The following CIITA variants were observed in gnomAD, a reference collection of about 807,000 sequenced individuals.
The protein encoded by CIITA is MHC class II transactivator.
A neutral mutation model predicts 115.1 loss-of-function variants in CIITA; 72 were observed. The ratio of observed to expected loss-of-function variants is 0.63; its 90% CI spans 0.52 to 0.76. The LOEUF is 0.76. Ranked by LOEUF, CIITA falls within the 30% of genes least tolerant of loss-of-function variation. The probability of loss-of-function intolerance (pLI) is 0.00; values close to 1 mark genes in which losing one functional copy is unlikely to be tolerated. For missense variants in CIITA, 1,617 were observed against 1,463.8 expected (o/e 1.10, Z -1.71); for synonymous variants, 763 against 635.6 (o/e 1.20, Z -3.02).
At chr16:10,896,318 G>C (rs932284373) in intron 3 of CIITA, among the ~76,000 whole-genome samples, 2 of 152,226 alleles carry the variant, frequency 1.3e-5, no homozygotes, top group African/African-American at 4.8e-5. Flanking sequence ...GTAATGTACA[G>C]ATCTGAAATT....
chr16:10,914,041 G>A (rs114230535), intron 13 of CIITA, among the ~76,000 whole-genome samples: 79 of 151,378 alleles, frequency 5.2e-4, no homozygotes, highest in African/African-American at 1.9e-3. Flanking sequence ...ATGATTCATT[G>A]TCTCAGACAT....
intron 1 of CIITA, among the ~76,000 whole-genome samples, chr16:10,868,768 C>A (rs1019176377): frequency 1.3e-5 from 2 of 152,210 alleles, no homozygotes; most frequent in Non-Finnish European, 2.9e-5. Flanking sequence ...TTATTTAACT[C>A]TGTTTCCTCC....
At chr16:10,874,741 G>C (rs1006495533), upstream of CIITA, among the ~76,000 whole-genome samples, 6 of 152,172 alleles carry the variant, frequency 3.9e-5, no homozygotes, top group Non-Finnish European at 7.3e-5. Context: ...AGATGTACCA[G>C]GCAGCTGCAG....
rs917417027 is a variant in CIITA at position 10,911,230 on chromosome 16, TTC to T, written c.2888+973_2888+974del. 2.8e-4 allele frequency among the ~76,000 whole-genome samples: 42 copies of T among 151,938 alleles called. 1 individual carries two copies. The South Asian group carries it at 3.1e-3, about 11-fold the overall frequency. On this transcript the variant is annotated intron_variant, in intron 13 of 19. Transcript: ENST00000324288. ...TCCTTTCTTCTCTCTTTCTTTTTCT[TTC>T]TTTCTTCTTTCTTTCTTTCTCTCTT... is the stretch of plus-strand genomic sequence containing the variant.
chr16:10,941,414 A>G lies in CIITA; in HGVS notation n.540A>G. Reference sequence around the variant, plus strand: ...GCTTTCCAGCCCAAACGAAGGGCTTAAGAGGAGTCTGGCCATTCCTGGCAT... The same window carrying G: ...GCTTTCCAGCCCAAACGAAGGGCTTGAGAGGAGTCTGGCCATTCCTGGCAT... On this transcript the variant is annotated non_coding_transcript_exon_variant, in exon 2 of 2. Transcript: ENST00000573379. The surrounding 1 kb of genome is among the most constrained non-coding windows in gnomAD (Gnocchi z 6.4). 1 of 642,132 alleles carries G rather than the reference A, an allele frequency of 1.6e-6. No individual in the cohort carries two copies. The highest frequency in any genetic ancestry group is 2.1e-6 in the Non-Finnish European group (1 of 465,190). The allele number at this position is 642,132 out of a possible 1,614,324, so 39.8% of individuals were successfully genotyped here. A position where few individuals can be genotyped will look rare whatever the true frequency, so the allele number is the denominator to read the frequency against.
Position 10,926,106 on chromosome 16 carries a change from C to G in CIITA, c.*2251C>G, listed in dbSNP as rs925226383. 12 of 152,300 alleles carry G rather than the reference C, an allele frequency of 7.9e-5. No individual in the cohort carries two copies. Among genetic ancestry groups the G allele is most frequent in the Admixed American group, 5.9e-4 (9 of 15,284 alleles). 9.4% of individuals were successfully genotyped at this position (152,300 alleles called of 1,614,324 possible). ...GAGCTGCCTGTTCAGCTCCAGCTCACCAGCCCCAGTGCCCACAGGATCAGT... is the reference window on the plus strand; with the variant it reads ...GAGCTGCCTGTTCAGCTCCAGCTCAGCAGCCCCAGTGCCCACAGGATCAGT... On this transcript the variant is annotated 3_prime_UTR_variant, in exon 20 of 20. Transcript: ENST00000324288.
At chr16:10,898,131 T>C (rs8048002) in intron 3 of CIITA, among the ~76,000 whole-genome samples, 17,486 of 152,188 alleles carry the variant, frequency 0.11, 1,387 homozygotes, top group East Asian at 0.3. Flanking sequence ...TTTCTCGGAC[T>C]TCATGTCATG....
At chr16:10,892,554 G>T (rs947243947) in intron 1 of CIITA, among the ~76,000 whole-genome samples, 20 of 152,188 alleles carry the variant, frequency 1.3e-4, no homozygotes, top group Non-Finnish European at 4.4e-5. Context: ...GGGTTGAAAG[G>T]TGGCCCCCCA....
chr16:10,899,404 G>T lies in CIITA; in HGVS notation c.436+402G>T, dbSNP rs536462455. ...GACTCCTTTGAATCTTTCTGGTGTT[G>T]GCTAAACTGTCACCTCTTCCTGGAA... On this transcript the variant is annotated intron_variant, in intron 5 of 19. Coordinates refer to ENST00000324288, the MANE Select transcript of CIITA (RefSeq NM_000246.4). Among the ~76,000 whole-genome samples, 4 of 97,492 alleles carry T rather than the reference G, an allele frequency of 4.1e-5. No homozygotes were observed. The South Asian group carries it at 1.3e-3, about 31-fold the overall frequency. The allele number at this position is 97,492 out of a possible 152,430, so 64.0% of individuals were successfully genotyped here.
chr16:10,893,451 A>G (rs1596488487), intron 1 of CIITA, among the ~76,000 whole-genome samples: 1 of 152,148 alleles, frequency 6.6e-6, no homozygotes, highest in Admixed American at 6.5e-5. Context: ...TCATCTGCCA[A>G]TGGAGACAAT....
chr16:10,936,548 ATTGT>A (rs1237329006), downstream of CIITA: 9 of 152,236 alleles, frequency 5.9e-5, no homozygotes, highest in East Asian at 1.9e-4. Flanking sequence ...TTGGGCGGGC[ATTGT>A]TTGTGCTCTT....
intron 1 of CIITA, among the ~76,000 whole-genome samples, chr16:10,890,333 G>T (rs2037434448): frequency 6.6e-6 from 1 of 151,804 alleles, no homozygotes; most frequent in Non-Finnish European, 1.5e-5. Context: ...ACCCAGGCTG[G>T]AGTGCAGTGG....
rs1050156401 is a variant in CIITA at position 10,902,078 on chromosome 16, A to T, written c.522A>T (p.Gly174=). The T allele has an allele frequency of 6.2e-7, 1 of 1,614,128 alleles. No homozygotes were observed. Residue 174 remains glycine (G), a synonymous_variant, in exon 7 of 20, where the codon GGA becomes GGT. Transcript: ENST00000324288. ...TGGTGACTGGCAGTCTCCTAGTGGG[A>T]CCAGTGAGCGACTGCTCCACCCTGC... ...PTVVTGSLLV[G]PVSDCSTLPC...
chr16:10,908,207 G>A (rs185573096), intron 11 of CIITA, 58 bp downstream of exon 11: 64 of 1,542,104 alleles, frequency 4.2e-5, no homozygotes, highest in Non-Finnish European at 5.5e-5. Flanking sequence ...CTGCGGTCTT[G>A]GTGCCAAGCC....
At chr16:10,873,170 G>A (rs759887399), upstream of CIITA, among the ~76,000 whole-genome samples, 11 of 152,014 alleles carry the variant, frequency 7.2e-5, no homozygotes, top group Non-Finnish European at 1.5e-4. Context: ...ATGAGGTCTC[G>A]CTATGTTTCC....
intron 16 of CIITA, among the ~76,000 whole-genome samples, chr16:10,921,516 A>C (rs1309717065): frequency 6.6e-6 from 1 of 152,152 alleles, no homozygotes; most frequent in Admixed American, 6.5e-5. Flanking sequence ...GCATGTTCTA[A>C]ATGTTATATC....
intron 1 of CIITA, among the ~76,000 whole-genome samples, chr16:10,894,503 A>G (rs1229114616): frequency 6.6e-6 from 1 of 152,170 alleles, no homozygotes; most frequent in African/African-American, 2.4e-5. Context: ...ATACATATTT[A>G]TGGGGTATAT....
upstream of CIITA, among the ~76,000 whole-genome samples, chr16:10,875,853 T>A (rs74644206): frequency 2.1e-3 from 316 of 152,062 alleles, no homozygotes; most frequent in African/African-American, 7.3e-3. Context: ...AAAAAATCAT[T>A]TGTAGAAAAA....
upstream of CIITA, among the ~76,000 whole-genome samples, chr16:10,873,500 C>T (rs557964938): frequency 3.0e-4 from 46 of 152,240 alleles, no homozygotes; most frequent in Non-Finnish European, 6.0e-4. Flanking sequence ...GGAACTCGAG[C>T]TTTGCAGGAT....
Sources: gnomAD v4.1 joint callset for allele counts (sites outside exome capture counted in the v4.1 genomes callset) on GRCh38, gnomAD v4.1.1 for gene constraint, Gnocchi (gnomAD v3.1) non-coding constraint, MANE v1.5 for transcripts, NCBI Gene and HGNC (gene_info 2026-07-23, HGNC 2026-07-21) for gene names.